The following AUTS2 variants were observed in gnomAD, a reference collection of about 807,000 sequenced individuals.
AUTS2 encodes autism susceptibility gene 2 protein.
Under a neutral mutation model 112.4 loss-of-function variants are expected in AUTS2, and 17 were observed. That is an observed-to-expected ratio of 0.15 (90% CI 0.10 to 0.23). The LOEUF (loss-of-function observed/expected upper bound fraction) is 0.23, where lower values mean the gene tolerates loss of function less well. Among genes scored for constraint, AUTS2 ranks in the 10% least tolerant of loss-of-function variants. The pLI, the probability that AUTS2 is intolerant of heterozygous loss-of-function variation, is 1.00. For synonymous variants in AUTS2, 751 were observed against 702.7 expected (o/e 1.07, Z -1.09); for missense variants, 1,510 against 1,701.6 (o/e 0.89, Z 1.98).
At chr7:70,099,126 T>G (rs1400000388) in intron 2 of AUTS2, among the ~76,000 whole-genome samples, 1 of 152,198 alleles carries the variant, frequency 6.6e-6, no homozygotes, top group Non-Finnish European at 1.5e-5. Flanking sequence ...AGGCCAGGTC[T>G]TAGGCTGTTT....
chr7:70,147,698 T>C (rs1807203876), intron 4 of AUTS2, among the ~76,000 whole-genome samples: 1 of 152,142 alleles, frequency 6.6e-6, no homozygotes, highest in Non-Finnish European at 1.5e-5. Context: ...ATAAGCCTTT[T>C]AAACTTTGCT....
intron 4 of AUTS2, among the ~76,000 whole-genome samples, chr7:70,237,122 G>A (rs1812368644): frequency 6.6e-6 from 1 of 152,098 alleles, no homozygotes; most frequent in African/African-American, 2.4e-5. Context: ...ACCTCCCTTG[G>A]GCAGGGGACT....
intron 4 of AUTS2, among the ~76,000 whole-genome samples, chr7:70,219,975 A>G (rs966119557): frequency 2.6e-5 from 4 of 152,210 alleles, no homozygotes; most frequent in African/African-American, 9.6e-5. Context: ...TAAGACATAC[A>G]TTCTAGGACT....
intron 4 of AUTS2, among the ~76,000 whole-genome samples, chr7:70,289,640 A>G (rs889715548): frequency 6.6e-6 from 1 of 152,230 alleles, no homozygotes; most frequent in Non-Finnish European, 1.5e-5. Flanking sequence ...TTCTTGATTC[A>G]GAAATGGAAG....
intron 1 of AUTS2, among the ~76,000 whole-genome samples, chr7:69,670,799 G>A (rs1327221617): frequency 6.6e-6 from 1 of 152,114 alleles, no homozygotes; most frequent in African/African-American, 2.4e-5. Flanking sequence ...GGGAACTCAA[G>A]GCTGCAGTGA....
At chr7:70,605,741 A>G (rs1263653280) in intron 5 of AUTS2, among the ~76,000 whole-genome samples, 4 of 152,160 alleles carry the variant, frequency 2.6e-5, no homozygotes, top group African/African-American at 7.2e-5. Context: ...TAAACATTGT[A>G]TTAGCGAATC....
At chr7:69,984,307 T>C (rs909669242) in intron 2 of AUTS2, among the ~76,000 whole-genome samples, 3 of 149,548 alleles carry the variant, frequency 2.0e-5, no homozygotes, top group Non-Finnish European at 2.9e-5. Context: ...CTTGGGAGGC[T>C]GAGGCAGGAG....
In AUTS2 at chr7:70,336,865, T is replaced by C. The variant is rs1463930234; in HGVS notation, c.661-98887T>C. Among the ~76,000 whole-genome samples the C allele has an allele frequency of 2.2e-4, 34 of 152,226 alleles. 1 individual carries two copies. The highest frequency in any genetic ancestry group is 2.2e-3 in the Admixed American group (34 of 15,286). ...CTGGTTGCTCAGTAAGATAAAATTA[T>C]ATTCTCTAACACTACTTCTCCTTTA... On this transcript the variant is annotated intron_variant, in intron 4 of 18. Coordinates refer to ENST00000342771, the MANE Select transcript of AUTS2 (RefSeq NM_015570.4).
At chr7:69,802,256 A>T (rs1394914134) in intron 1 of AUTS2, among the ~76,000 whole-genome samples, 1 of 152,344 alleles carries the variant, frequency 6.6e-6, no homozygotes, top group East Asian at 1.9e-4. Flanking sequence ...GCCCTAAGGA[A>T]AAAGCCTGTC....
At chr7:69,603,896 T>G (rs1193837258) in intron 1 of AUTS2, among the ~76,000 whole-genome samples, 1 of 151,908 alleles carries the variant, frequency 6.6e-6, no homozygotes, top group Non-Finnish European at 1.5e-5. Context: ...GCTATTTGGG[T>G]TTTTTTTCTG....
chr7:70,042,143 A>G (rs1584625123), intron 2 of AUTS2, among the ~76,000 whole-genome samples: 1 of 152,252 alleles, frequency 6.6e-6, no homozygotes, highest in Non-Finnish European at 1.5e-5. Context: ...TCAGTAAAGC[A>G]TTACACATTG....
intron 4 of AUTS2, among the ~76,000 whole-genome samples, chr7:70,406,653 A>G (rs1201159544): frequency 6.6e-6 from 1 of 152,206 alleles, no homozygotes; most frequent in African/African-American, 2.4e-5. Flanking sequence ...CTCAGGCCTC[A>G]TCTGTATCAA....
chr7:69,762,380 C>G (rs1317685372), intron 1 of AUTS2, among the ~76,000 whole-genome samples: 1 of 130,016 alleles, frequency 7.7e-6, no homozygotes, highest in Non-Finnish European at 1.5e-5. Context: ...TATCTCGGTT[C>G]ACTGCAGCCT....
chr7:70,458,100 C>G (rs1796817627), intron 5 of AUTS2, among the ~76,000 whole-genome samples: 1 of 152,128 alleles, frequency 6.6e-6, no homozygotes, highest in South Asian at 2.1e-4. Context: ...CCACATTCTT[C>G]CAGACTGTGT....
chr7:69,947,109 G>A (rs1256105715), intron 2 of AUTS2, among the ~76,000 whole-genome samples: 1 of 152,166 alleles, frequency 6.6e-6, no homozygotes, highest in East Asian at 1.9e-4. Flanking sequence ...TAAATGCTGG[G>A]TTTAAAGGGA....
chr7:70,397,495 C>T (rs1399008928), intron 4 of AUTS2, among the ~76,000 whole-genome samples: 1 of 151,988 alleles, frequency 6.6e-6, no homozygotes, highest in East Asian at 1.9e-4. Flanking sequence ...TTTGGGTAAA[C>T]TTTCTATATA....
chr7:69,931,487 G>T (rs1796226008), intron 2 of AUTS2, among the ~76,000 whole-genome samples: 1 of 152,096 alleles, frequency 6.6e-6, no homozygotes, highest in African/African-American at 2.4e-5. Flanking sequence ...CTATTGTTTT[G>T]CCATTGATCA....
intron 4 of AUTS2, 107 bp downstream of exon 4, chr7:70,134,678 G>T: frequency 9.7e-7 from 1 of 1,026,782 alleles, no homozygotes; most frequent in Non-Finnish European, 1.5e-6. Context: ...TTCTCTCTCA[G>T]TCCTAAAGAG....
At chr7:70,351,567 T>C (rs1037689589) in intron 4 of AUTS2, among the ~76,000 whole-genome samples, 1 of 152,216 alleles carries the variant, frequency 6.6e-6, no homozygotes, top group African/African-American at 2.4e-5. Flanking sequence ...TATGGTATTC[T>C]ATTTTTAAAT....
Sources: allele counts gnomAD v4.1 joint callset (sites outside exome capture counted in the v4.1 genomes callset), GRCh38; gene constraint gnomAD v4.1.1; transcripts MANE v1.5; gene names NCBI Gene and HGNC (gene_info 2026-07-23, HGNC 2026-07-21).